The following BCKDHB variants were observed in gnomAD, a reference collection of about 807,000 sequenced individuals.
BCKDHB encodes 2-oxoisovalerate dehydrogenase subunit beta, mitochondrial.
A neutral mutation model predicts 48.5 loss-of-function variants in BCKDHB; 41 were observed. The observed-to-expected ratio is 0.85, with a 90% CI of 0.66 to 1.10. BCKDHB has a LOEUF of 1.10. Among genes scored for constraint, BCKDHB ranks in the 50% least tolerant of loss-of-function variants. The probability of loss-of-function intolerance (pLI) is 0.00; values close to 1 mark genes in which losing one functional copy is unlikely to be tolerated. For synonymous variants in BCKDHB, 201 were observed against 174.8 expected, an observed-to-expected ratio of 1.15 and a Z score of -1.18; for missense variants, 496 against 494.2, an observed-to-expected ratio of 1.00 and a Z score of -0.03.
intron 9 of BCKDHB, among the ~76,000 whole-genome samples, chr6:80,323,309 GTGT>G (rs1037097091): frequency 2.6e-5 from 4 of 151,966 alleles, no homozygotes; most frequent in African/African-American, 9.7e-5. Flanking sequence ...TTGAAGTATT[GTGT>G]TGTTTGTGAA....
intron 8 of BCKDHB, among the ~76,000 whole-genome samples, chr6:80,240,386 C>G (rs113203021): frequency 0.071 from 10,814 of 152,108 alleles, 563 homozygotes; most frequent in South Asian, 0.24. Context: ...AACTCACATG[C>G]CTTGTAAGTT....
At chr6:80,359,853 G>A in the BCKDHB span, among the ~76,000 whole-genome samples, 2 of 152,172 alleles carry the variant, frequency 1.3e-5, no homozygotes, top group African/African-American at 4.8e-5. Context: ...GGCCTCCGAA[G>A]TGCTGGGATT....
At chr6:80,177,768 GTAGGTAAAGGATAC>G (rs1426961366) in intron 6 of BCKDHB, among the ~76,000 whole-genome samples, 11 of 152,156 alleles carry the variant, frequency 7.2e-5, no homozygotes, top group Non-Finnish European at 5.9e-5. Flanking sequence ...CTAAAATAAA[GTAGGTAAAGGATAC>G]TAGGTAAAGG....
rs187451579 is a variant in BCKDHB, at chr6:80,141,057, A to T, written c.343+11828A>T. Among the ~76,000 whole-genome samples the T allele has an allele frequency of 1.7e-3, 262 of 152,160 alleles. 1 individual carries two copies. The highest frequency in any genetic ancestry group is 6.0e-3 in the African/African-American group (251 of 41,502). On this transcript the variant is annotated intron_variant, in intron 3 of 9. Coordinates refer to ENST00000320393, the MANE Select transcript of BCKDHB (RefSeq NM_183050.4). ...GGAGAGTGTACGTGTCCAGGAATTT[A>T]TCCATTTCTTCTAGATTTTCTAGTT...
intron 3 of BCKDHB, among the ~76,000 whole-genome samples, chr6:80,152,035 C>T (rs763970953): frequency 6.6e-6 from 1 of 152,070 alleles, no homozygotes; most frequent in Non-Finnish European, 1.5e-5. Flanking sequence ...ATGGCTTGCC[C>T]TTAAATTGAA....
intron 9 of BCKDHB, among the ~76,000 whole-genome samples, chr6:80,293,402 C>G (rs1273937388): frequency 5.9e-5 from 9 of 152,202 alleles, no homozygotes; most frequent in Admixed American, 5.9e-4. Flanking sequence ...AAAGCCACAG[C>G]CCAAGCTGTG....
chr6:80,354,594 T>C, the BCKDHB span, among the ~76,000 whole-genome samples: 9 of 152,202 alleles, frequency 5.9e-5, no homozygotes, highest in Admixed American at 2.6e-4. Flanking sequence ...CCTAGACCAA[T>C]GTGCAGAAGA....
the BCKDHB span, among the ~76,000 whole-genome samples, chr6:80,405,068 TG>T: frequency 6.6e-6 from 1 of 152,112 alleles, no homozygotes; most frequent in Admixed American, 6.6e-5. Flanking sequence ...TCTATAGTGC[TG>T]CTCATGTTTA....
intron 1 of BCKDHB, among the ~76,000 whole-genome samples, chr6:80,113,642 A>T (rs932668879): frequency 1.3e-5 from 2 of 152,230 alleles, no homozygotes; most frequent in African/African-American, 4.8e-5. Flanking sequence ...GCTTTCCAAA[A>T]TACGTTACTG....
At chr6:80,214,010 C>T (rs1775059557) in intron 8 of BCKDHB, among the ~76,000 whole-genome samples, 1 of 152,146 alleles carries the variant, frequency 6.6e-6, no homozygotes, top group Admixed American at 6.6e-5. Flanking sequence ...AGCATTCTTT[C>T]CTCCCATCCT....
At chr6:80,321,656 TA>T (rs1582564796) in intron 9 of BCKDHB, among the ~76,000 whole-genome samples, 1 of 152,218 alleles carries the variant, frequency 6.6e-6, no homozygotes, top group Non-Finnish European at 1.5e-5. Context: ...GCCTAAAGTT[TA>T]AAACAGGAAT....
the BCKDHB span, among the ~76,000 whole-genome samples, chr6:80,375,361 T>A: frequency 6.6e-6 from 1 of 152,188 alleles, no homozygotes; most frequent in Non-Finnish European, 1.5e-5. Context: ...TTATTTTTTC[T>A]TTGTCTTTGT....
chr6:80,293,571 C>T (rs907454625), intron 9 of BCKDHB, among the ~76,000 whole-genome samples: 4 of 152,148 alleles, frequency 2.6e-5, no homozygotes, highest in African/African-American at 9.7e-5. Flanking sequence ...CTCTGACATG[C>T]CCTGGAGACA....
chr6:80,335,138 A>G (rs1177128028), intron 9 of BCKDHB, among the ~76,000 whole-genome samples: 1 of 151,750 alleles, frequency 6.6e-6, no homozygotes, highest in Non-Finnish European at 1.5e-5. Flanking sequence ...TTCGTGAGAC[A>G]AAAGAATTGT....
At chr6:80,416,052 A>T in the BCKDHB span, among the ~76,000 whole-genome samples, 2 of 151,362 alleles carry the variant, frequency 1.3e-5, no homozygotes, top group African/African-American at 4.9e-5. Flanking sequence ...TTTACAGTTT[A>T]TCTGCGTAGA....
chr6:80,190,393 A>T (rs1276408896), intron 6 of BCKDHB, among the ~76,000 whole-genome samples: 2 of 152,130 alleles, frequency 1.3e-5, no homozygotes, highest in African/African-American at 4.8e-5. Context: ...AATACTTCTG[A>T]AACCCATTTT....
chr6:80,420,859 C>T, the BCKDHB span, among the ~76,000 whole-genome samples: 5 of 152,158 alleles, frequency 3.3e-5, no homozygotes, highest in Non-Finnish European at 4.4e-5. Context: ...TTTTCATTTT[C>T]CCCTGTGGAA....
At chr6:80,122,183 T>G (rs939676081) in intron 1 of BCKDHB, among the ~76,000 whole-genome samples, 2 of 152,250 alleles carry the variant, frequency 1.3e-5, no homozygotes, top group African/African-American at 4.8e-5. Flanking sequence ...GAACCAGCCT[T>G]GCATCCCAGG....
the BCKDHB span, among the ~76,000 whole-genome samples, chr6:80,352,115 C>T: frequency 2.6e-5 from 4 of 151,188 alleles, no homozygotes; most frequent in South Asian, 2.1e-4. Flanking sequence ...TTAGCCACTG[C>T]GCCCGGCTTT....
Sources: gnomAD v4.1 joint callset for allele counts (sites outside exome capture counted in the v4.1 genomes callset) on GRCh38, gnomAD v4.1.1 for gene constraint, MANE v1.5 for transcripts, NCBI Gene and HGNC (gene_info 2026-07-23, HGNC 2026-07-21) for gene names.